Variants in BCAS4 observed in about 807,000 individuals in gnomAD.
BCAS4 encodes breast carcinoma-amplified sequence 4.
A neutral mutation model predicts 15.7 loss-of-function variants in BCAS4; 9 were observed. The ratio of observed to expected loss-of-function variants is 0.57; its 90% CI spans 0.34 to 1.00. The LOEUF (loss-of-function observed/expected upper bound fraction) is 1.00. BCAS4 is among the 50% of genes least tolerant of loss of function. BCAS4 has a pLI of 0.02. For synonymous variants in BCAS4, 101 were observed against 99.5 expected (o/e 1.02, Z -0.09); for missense variants, 225 against 239.1 (o/e 0.94, Z 0.39).
In BCAS4 at chr20:50,861,846, C is replaced by CTT. The variant is rs773052138; in HGVS notation, c.400-14617_400-14616dup. 4.3e-3 allele frequency among the ~76,000 whole-genome samples: 472 copies of CTT among 109,248 alleles called. 4 individuals are homozygous for CTT. The highest frequency in any genetic ancestry group is 7.1e-3 in the African/African-American group (181 of 25,490). 71.7% of individuals were successfully genotyped at this position (109,248 alleles called of 152,430 possible). ...CTTTCTTTTCTTTCTTCTTCTTCTC[C>CTT]TTTTTTTTTTTTTTTTTTTTTTTTA... On this transcript the variant is annotated intron_variant, in intron 4 of 4. Transcript: ENST00000371608.
intron 1 of BCAS4, among the ~76,000 whole-genome samples, chr20:50,804,371 T>C (rs1186618321): frequency 1.3e-5 from 2 of 152,114 alleles, no homozygotes; most frequent in African/African-American, 4.8e-5. Flanking sequence ...TTGGAGACCT[T>C]TTTATATGAA....
chr20:50,809,053 C>G (rs553520839), intron 1 of BCAS4, among the ~76,000 whole-genome samples: 163 of 152,226 alleles, frequency 1.1e-3, no homozygotes, highest in Non-Finnish European at 2.2e-3. Flanking sequence ...CTACATGTGG[C>G]TAGCCAATTA....
intron 4 of BCAS4, among the ~76,000 whole-genome samples, chr20:50,866,719 A>G (rs949306916): frequency 2.0e-5 from 3 of 152,164 alleles, no homozygotes; most frequent in Admixed American, 2.0e-4. Flanking sequence ...CCAGCCCCAC[A>G]CAGCTCCGGG....
At chr20:50,852,252 C>T (rs529241247) in intron 4 of BCAS4, among the ~76,000 whole-genome samples, 31 of 152,300 alleles carry the variant, frequency 2.0e-4, no homozygotes, top group Non-Finnish European at 3.8e-4. Flanking sequence ...CCAGGCAAGG[C>T]CCTGAGTGAT....
chr20:50,874,088 C>T (rs765328249), intron 4 of BCAS4, among the ~76,000 whole-genome samples: 6 of 152,108 alleles, frequency 3.9e-5, no homozygotes, highest in Admixed American at 3.3e-4. Flanking sequence ...TCCACTGTCG[C>T]CCCTAGAGTG....
At chr20:50,813,232 C>T (rs2088093791) in intron 1 of BCAS4, among the ~76,000 whole-genome samples, 1 of 152,198 alleles carries the variant, frequency 6.6e-6, no homozygotes, top group African/African-American at 2.4e-5. Context: ...TTCCCACCAG[C>T]AGTGCGTGAG....
chr20:50,836,089 T>G (rs1047765292), intron 3 of BCAS4, among the ~76,000 whole-genome samples: 10 of 152,078 alleles, frequency 6.6e-5, no homozygotes, highest in Admixed American at 2.0e-4. Context: ...GGCTAACTTT[T>G]GTAGTTTTAG....
At chr20:50,853,081 G>T (rs1978529661) in intron 4 of BCAS4, among the ~76,000 whole-genome samples, 1 of 151,032 alleles carries the variant, frequency 6.6e-6, no homozygotes, top group Non-Finnish European at 1.5e-5. Flanking sequence ...CCAAACACAT[G>T]ATGTTTTCTT....
chr20:50,838,376 G>T (rs1367926395), intron 3 of BCAS4, among the ~76,000 whole-genome samples: 1 of 152,110 alleles, frequency 6.6e-6, no homozygotes, highest in African/African-American at 2.4e-5. Flanking sequence ...TGCCTGCCGG[G>T]GCTATATGAG....
At chr20:50,797,930 G>T (rs1214784170) in intron 1 of BCAS4, among the ~76,000 whole-genome samples, 9 of 151,988 alleles carry the variant, frequency 5.9e-5, no homozygotes, top group African/African-American at 1.7e-4. Context: ...CTCCCAAAGT[G>T]CTGGGATTAC....
intron 4 of BCAS4, among the ~76,000 whole-genome samples, chr20:50,844,749 C>T (rs1313325024): frequency 8.3e-5 from 7 of 84,794 alleles, no homozygotes; most frequent in Admixed American, 4.6e-4. Flanking sequence ...GATGTGGCAT[C>T]CCCCCCCGGG....
intron 2 of BCAS4, among the ~76,000 whole-genome samples, chr20:50,825,425 G>C (rs1044082099): frequency 6.6e-6 from 1 of 152,212 alleles, no homozygotes; most frequent in African/African-American, 2.4e-5. Context: ...GGAACCAAGA[G>C]GTAAGGTTTG....
intron 4 of BCAS4, among the ~76,000 whole-genome samples, chr20:50,855,601 G>C (rs1338200637): frequency 6.6e-6 from 1 of 152,106 alleles, no homozygotes; most frequent in African/African-American, 2.4e-5. Flanking sequence ...AAGGGTGTGG[G>C]CCGGCAGGGC....
intron 2 of BCAS4, among the ~76,000 whole-genome samples, chr20:50,819,640 G>A (rs976176288): frequency 6.6e-6 from 1 of 152,042 alleles, no homozygotes; most frequent in Non-Finnish European, 1.5e-5. Context: ...AATCCCAAGA[G>A]GACCTATATG....
At chr20:50,865,990 G>T (rs1276402773) in intron 4 of BCAS4, among the ~76,000 whole-genome samples, 2 of 152,158 alleles carry the variant, frequency 1.3e-5, no homozygotes, top group Non-Finnish European at 2.9e-5. Context: ...GGGCACCCAG[G>T]ACCTAGGGGA....
At chr20:50,871,082 C>T (rs1274165518) in intron 4 of BCAS4, among the ~76,000 whole-genome samples, 6 of 152,200 alleles carry the variant, frequency 3.9e-5, no homozygotes, top group Non-Finnish European at 7.4e-5. Context: ...AGAGGTGGGA[C>T]GTGGAGAGCT....
chr20:50,860,293 T>C (rs1269978975), intron 4 of BCAS4, among the ~76,000 whole-genome samples: 2 of 152,186 alleles, frequency 1.3e-5, no homozygotes, highest in African/African-American at 4.8e-5. Flanking sequence ...CATTTGCATA[T>C]GGCATAAGTC....
At chr20:50,859,716 G>T (rs1186321681) in intron 4 of BCAS4, among the ~76,000 whole-genome samples, 1 of 152,164 alleles carries the variant, frequency 6.6e-6, no homozygotes, top group Admixed American at 6.5e-5. Flanking sequence ...TCCAGGAGAC[G>T]TGCTGGTGGC....
At chr20:50,794,915 C>A (rs1322782881), upstream of BCAS4, 30 of 1,011,684 alleles carry the variant, frequency 3.0e-5, no homozygotes, top group Non-Finnish European at 3.6e-5. Context: ...GCTGCCCGCT[C>A]GGCCCGGCGC....
Sources: allele counts gnomAD v4.1 joint callset (sites outside exome capture counted in the v4.1 genomes callset), GRCh38; gene constraint gnomAD v4.1.1; transcripts MANE v1.5; gene names NCBI Gene and HGNC (gene_info 2026-07-23, HGNC 2026-07-21).